The following SLC22A24 variants were observed in gnomAD, a reference collection of about 807,000 sequenced individuals.
SLC22A24 encodes solute carrier family 22 member 24, also known as steroid transmembrane transporter SLC22A24.
A neutral mutation model predicts 49.8 loss-of-function variants in SLC22A24; 53 were observed. The observed-to-expected ratio is 1.06, with a 90% CI of 0.85 to 1.34. The LOEUF is 1.34. Ranked by LOEUF, SLC22A24 falls within the 40% of genes most tolerant of loss-of-function variation. The pLI is 0.00. For synonymous variants in SLC22A24, 302 were observed against 256.4 expected, an observed-to-expected ratio of 1.18 and a Z score of -1.70; for missense variants, 786 against 675.9, an observed-to-expected ratio of 1.16 and a Z score of -1.81.
chr11:63,110,074 A>T (rs2087151611), intron 4 of SLC22A24, among the ~76,000 whole-genome samples: 1 of 152,046 alleles, frequency 6.6e-6, no homozygotes, highest in Admixed American at 6.6e-5. Context: ...ATGGCTAGCC[A>T]GTTTTCCCAG....
chr11:63,128,845 C>T (rs760847321), intron 2 of SLC22A24, among the ~76,000 whole-genome samples: 2 of 152,140 alleles, frequency 1.3e-5, no homozygotes, highest in East Asian at 1.9e-4. Context: ...CCAGTCTCCG[C>T]GTCTTGGTGG....
chr11:63,112,279 C>A (rs1442601929), intron 4 of SLC22A24, among the ~76,000 whole-genome samples: 1 of 152,078 alleles, frequency 6.6e-6, no homozygotes, highest in Non-Finnish European at 1.5e-5. Context: ...ACTATGTGGT[C>A]AATTTTGGAA....
intron 5 of SLC22A24, among the ~76,000 whole-genome samples, chr11:63,099,774 T>A (rs1278184563): frequency 6.6e-6 from 1 of 152,102 alleles, no homozygotes; most frequent in Non-Finnish European, 1.5e-5. Context: ...GTTCGACATA[T>A]GCAATTCAAC....
Position 63,129,717 on chromosome 11 carries a change from G to A in SLC22A24, c.506+4948C>T, listed in dbSNP as rs182817128. Among the ~76,000 whole-genome samples, 70 of 152,184 alleles carry A rather than the reference G, an allele frequency of 4.6e-4. 1 individual carries two copies. The highest frequency in any genetic ancestry group is 3.0e-3 in the Admixed American group (46 of 15,284). ...CATCCCTTGTAAGTTGGATTCCTAG[G>A]TATTTTATTCTCTTTGTAGTAACTG... On this transcript the variant is annotated intron_variant, in intron 2 of 9. Transcript: ENST00000612278.
At chr11:63,107,617 G>A (rs2087130304) in intron 4 of SLC22A24, among the ~76,000 whole-genome samples, 1 of 151,892 alleles carries the variant, frequency 6.6e-6, no homozygotes, top group African/African-American at 2.4e-5. Context: ...TTTGAGCAGT[G>A]GTTTGCAGTT....
At chr11:63,083,637 T>C (rs932662369) in intron 6 of SLC22A24, among the ~76,000 whole-genome samples, 180 bp from the exon 7 acceptor site, 5 of 152,168 alleles carry the variant, frequency 3.3e-5, no homozygotes, top group African/African-American at 1.2e-4. Context: ...TTTCAGACAA[T>C]GGTCTTAAAA....
At chr11:63,091,468 A>G (rs1303774307) in intron 6 of SLC22A24, among the ~76,000 whole-genome samples, 1 of 152,234 alleles carries the variant, frequency 6.6e-6, no homozygotes, top group Non-Finnish European at 1.5e-5. Context: ...AGAAAATTTC[A>G]GGCCAATATC....
chr11:63,117,872 G>A (rs999308202), intron 4 of SLC22A24, among the ~76,000 whole-genome samples: 13 of 152,210 alleles, frequency 8.5e-5, no homozygotes, highest in African/African-American at 3.1e-4. Flanking sequence ...TGAGTGCATG[G>A]GGTGTTGGCG....
At chr11:63,102,906 A>G (rs979208639) in intron 5 of SLC22A24, among the ~76,000 whole-genome samples, 7 of 152,110 alleles carry the variant, frequency 4.6e-5, no homozygotes, top group African/African-American at 1.7e-4. Flanking sequence ...CCATGCTGCT[A>G]TCATTATTGT....
chr11:63,123,771 C>T (rs1050376488), intron 2 of SLC22A24, among the ~76,000 whole-genome samples: 1 of 152,168 alleles, frequency 6.6e-6, no homozygotes, highest in Non-Finnish European at 1.5e-5. Flanking sequence ...CTCTTATTGT[C>T]TCTACCTCTA....
intron 5 of SLC22A24, among the ~76,000 whole-genome samples, chr11:63,102,560 C>G (rs751369343): frequency 4.6e-5 from 7 of 152,044 alleles, no homozygotes; most frequent in Non-Finnish European, 8.8e-5. Flanking sequence ...TTTGAGAAAT[C>G]TTTGGTGGAA....
intron 5 of SLC22A24, among the ~76,000 whole-genome samples, chr11:63,103,481 CA>C (rs1245213638): frequency 6.6e-6 from 1 of 152,048 alleles, no homozygotes; most frequent in Non-Finnish European, 1.5e-5. Context: ...ATTTTCTTAT[CA>C]ACATCTAACA....
At chr11:63,086,831 T>C (rs1007376571) in intron 6 of SLC22A24, among the ~76,000 whole-genome samples, 2 of 152,080 alleles carry the variant, frequency 1.3e-5, no homozygotes, top group Admixed American at 1.3e-4. Context: ...CTATAATAAT[T>C]TTACTATACA....
intron 2 of SLC22A24, among the ~76,000 whole-genome samples, chr11:63,124,948 T>G (rs1377064149): frequency 6.8e-6 from 1 of 147,044 alleles, no homozygotes; most frequent in Non-Finnish European, 1.5e-5. Context: ...CTCTGGGGAC[T>G]GTTGCGGGGT....
Position 63,118,954 on chromosome 11 carries a change from A to T in SLC22A24, c.788T>A (p.Leu263Gln). ...FAIQDWHILQLTVSTPIIVLF... is the reference protein window; with the variant it reads ...FAIQDWHILQQTVSTPIIVLF... Reference sequence around the variant, plus strand: ...GACAATTATGGGTGTAGACACAGTCAGTTGCAATATGTGCCAGTCCTGAAT... The same window carrying T: ...GACAATTATGGGTGTAGACACAGTCTGTTGCAATATGTGCCAGTCCTGAAT... Residue 263 changes from leucine to glutamine, a missense_variant, in exon 4 of 10, where the codon CTG becomes CAG. Coordinates refer to ENST00000612278, the MANE Select transcript of SLC22A24 (RefSeq NM_001136506.2). The T allele has an allele frequency of 6.4e-7, 1 of 1,552,078 alleles. No homozygotes were observed. The highest frequency in any genetic ancestry group is 1.2e-5 in the South Asian group (1 of 84,058).
At chr11:63,104,395 A>G in intron 4 of SLC22A24, 97 bp from the exon 5 acceptor site, 1 of 1,291,094 alleles carries the variant, frequency 7.7e-7, no homozygotes, top group Admixed American at 2.7e-5. Context: ...TAATACAGAC[A>G]TTATAAATTA....
rs115351193 is a variant in SLC22A24, at chr11:63,082,407, A to G, written c.1286-741T>C. 1.5e-3 allele frequency among the ~76,000 whole-genome samples: 225 copies of G among 152,400 alleles called. 1 individual carries two copies. Among genetic ancestry groups the G allele is most frequent in the African/African-American group, 5.1e-3 (214 of 41,602 alleles). On this transcript the variant is annotated intron_variant, in intron 7 of 9. Transcript: ENST00000612278. ...TTAAAACAGTGGAGAAGGCTCTCCT[A>G]TAAGGCAGAAAACTTACACCAGCAG...
rs935397615 is a variant in SLC22A24, at chr11:63,109,625, T to G, written c.831-5327A>C. On this transcript the variant is annotated intron_variant, in intron 4 of 9. Coordinates refer to ENST00000612278, the MANE Select transcript of SLC22A24 (RefSeq NM_001136506.2). ...ATGGTGAGCATTTTTTCATGTGTCTTTTGGCTGCATAAATGTCTTCTTTTG... is the reference window on the plus strand; with the variant it reads ...ATGGTGAGCATTTTTTCATGTGTCTGTTGGCTGCATAAATGTCTTCTTTTG... Among the ~76,000 whole-genome samples, 174 of 151,406 alleles carry G rather than the reference T, an allele frequency of 1.1e-3. 1 individual carries two copies. The highest frequency in any genetic ancestry group is 3.9e-3 in the African/African-American group (162 of 41,390).
chr11:63,127,959 C>G (rs1171284380), intron 2 of SLC22A24, among the ~76,000 whole-genome samples: 2 of 151,870 alleles, frequency 1.3e-5, no homozygotes, highest in Non-Finnish European at 2.9e-5. Flanking sequence ...TGCAGAAGCT[C>G]TTTAGTTTAA....
Sources: allele counts gnomAD v4.1 joint callset (sites outside exome capture counted in the v4.1 genomes callset), GRCh38; gene constraint gnomAD v4.1.1; transcripts MANE v1.5; gene names NCBI Gene and HGNC (gene_info 2026-07-23, HGNC 2026-07-21).